The following COG3 variants were observed in gnomAD, a reference collection of about 807,000 sequenced individuals.
The protein encoded by COG3 is conserved oligomeric Golgi complex subunit 3.
COG3 carries 32 observed loss-of-function variants against 114.1 expected under a neutral mutation model. The ratio of observed to expected loss-of-function variants is 0.28; its 90% confidence interval spans 0.21 to 0.38. The LOEUF (loss-of-function observed/expected upper bound fraction) is 0.38, where lower values mean the gene tolerates loss of function less well. Ranked by LOEUF, COG3 falls within the 10% of genes least tolerant of loss-of-function variation. The probability of loss-of-function intolerance (pLI) is 1.00; values close to 1 mark genes in which losing one functional copy is unlikely to be tolerated. For missense variants in COG3, 813 were observed against 973.2 expected (o/e 0.84, Z 2.19); for synonymous variants, 352 against 365.7 (o/e 0.96, Z 0.43).
chr13:45,476,366 T>C lies in COG3; in HGVS notation c.321+19T>C, dbSNP rs1234590596. The stretch of plus-strand genomic sequence containing the variant: ...ACAGCAGGTGAATTGCAGTATCTTT[T>C]CTAAGGATGTTTGATTATTTCAGAT... On this transcript the variant is annotated intron_variant, in intron 2 of 22. Coordinates refer to ENST00000349995, the MANE Select transcript of COG3 (RefSeq NM_031431.4). The C allele has an allele frequency of 6.2e-7, 1 of 1,610,414 alleles. No homozygotes were observed. The highest frequency in any genetic ancestry group is 8.5e-7 in the Non-Finnish European group (1 of 1,177,330).
At chr13:45,483,008 G>A (rs541668172) in intron 6 of COG3, among the ~76,000 whole-genome samples, 3 of 152,178 alleles carry the variant, frequency 2.0e-5, no homozygotes, top group Non-Finnish European at 4.4e-5. Flanking sequence ...ACTAACAACT[G>A]CAAATATGTA....
rs35581278 is a variant in COG3, at chr13:45,531,504, G to GTTT, written c.2457+727_2457+729dup. 2.7e-5 allele frequency among the ~76,000 whole-genome samples: 4 copies of GTTT among 149,480 alleles called. No homozygotes were observed. The South Asian group carries it at 8.4e-4, about 31-fold the overall frequency. On this transcript the variant is annotated intron_variant, in intron 22 of 22. Coordinates refer to ENST00000349995, the MANE Select transcript of COG3 (RefSeq NM_031431.4). ...AATGGTGAGTGTAGATAAATCTTGT[G>GTTT]TTTTTGTTTTGTTTTGTTTTGTTTT...
chr13:45,486,671 G>A (rs1723334402), intron 8 of COG3, 96 bp downstream of exon 8: 1 of 778,426 alleles, frequency 1.3e-6, no homozygotes, highest in Non-Finnish European at 2.3e-6. Context: ...TTATACCGAG[G>A]AAGTGAACTT....
intron 1 of COG3, among the ~76,000 whole-genome samples, chr13:45,468,333 C>T (rs1352797138): frequency 3.3e-5 from 5 of 152,060 alleles, no homozygotes; most frequent in South Asian, 4.1e-4. Context: ...GCAAGGTGCA[C>T]GTGGCAAGTT....
chr13:45,511,956 A>T, intron 16 of COG3, 102 bp downstream of exon 16: 1 of 863,232 alleles, frequency 1.2e-6, no homozygotes. Context: ...TGGCAGTAGG[A>T]TTTGTTTAAC....
At chr13:45,506,134 C>T (rs1398991184) in intron 14 of COG3, among the ~76,000 whole-genome samples, 1 of 152,044 alleles carries the variant, frequency 6.6e-6, no homozygotes, top group African/African-American at 2.4e-5. Flanking sequence ...TTCCATTGAA[C>T]AGCACTGCCG....
chr13:45,505,978 C>T, intron 14 of COG3, among the ~76,000 whole-genome samples: 1 of 152,124 alleles, frequency 6.6e-6, no homozygotes, highest in South Asian at 2.1e-4. Flanking sequence ...TTACTGCAAC[C>T]TCTGCCTCCT....
chr13:45,481,616 T>A (rs1886253036), intron 5 of COG3, among the ~76,000 whole-genome samples: 1 of 152,210 alleles, frequency 6.6e-6, no homozygotes, highest in South Asian at 2.1e-4. Flanking sequence ...GATTTTGCTG[T>A]GGTTATGCTA....
At chr13:45,470,994 G>A (rs1248010855) in intron 1 of COG3, among the ~76,000 whole-genome samples, 1 of 152,196 alleles carries the variant, frequency 6.6e-6, no homozygotes, top group Non-Finnish European at 1.5e-5. Context: ...TTCAACTTCC[G>A]AAGGGTTTAT....
At chr13:45,518,216 C>T (rs1871746707) in intron 17 of COG3, among the ~76,000 whole-genome samples, 2 of 152,154 alleles carry the variant, frequency 1.3e-5, no homozygotes, top group Non-Finnish European at 2.9e-5. Context: ...TTTACTTTTA[C>T]GCCTCTAACC....
chr13:45,507,402 T>TGA lies in COG3; in HGVS notation c.1595-2279_1595-2278dup, dbSNP rs530312880. On this transcript the variant is annotated intron_variant, in intron 14 of 22. Coordinates refer to ENST00000349995, the MANE Select transcript of COG3 (RefSeq NM_031431.4). ...AATTATACAAGTTAAATAGGAGTGGTGAGAGAGAGAGAAAAAAAAATTTTA... is the reference window on the plus strand; with the variant it reads ...AATTATACAAGTTAAATAGGAGTGGTGAGAGAGAGAGAGAAAAAAAAATTTTA... Among the ~76,000 whole-genome samples the TGA allele has an allele frequency of 9.3e-3, 1,417 of 151,880 alleles. 25 individuals are homozygous for TGA. Among genetic ancestry groups the TGA allele is most frequent in the African/African-American group, 0.032 (1,310 of 41,408 alleles).
chr13:45,532,779 G>A (rs1187651842), intron 22 of COG3, among the ~76,000 whole-genome samples: 2 of 151,634 alleles, frequency 1.3e-5, no homozygotes, highest in South Asian at 4.2e-4. Flanking sequence ...GGATGGTCTC[G>A]ATCTGCTGAC....
At chr13:45,532,078 T>C (rs974488479) in intron 22 of COG3, 2 of 152,168 alleles carry the variant, frequency 1.3e-5, no homozygotes, top group African/African-American at 4.8e-5. Flanking sequence ...GATTTGCCTA[T>C]TCTGGATATT....
intron 3 of COG3, 50 bp from the exon 4 acceptor site, chr13:45,480,074 CT>C: frequency 6.7e-7 from 1 of 1,482,006 alleles, no homozygotes; most frequent in Non-Finnish European, 9.1e-7. Context: ...TTTTACTGTG[CT>C]TATTGGGGGA....
At position 45,491,493 on chromosome 13, in the gene COG3, T is replaced by G. The variant is rs1222970759; in HGVS notation, c.1050T>G (p.Thr350=). Residue 350 remains threonine (T), a synonymous_variant, in exon 10 of 23, where the codon ACT becomes ACG. Transcript: ENST00000349995. ...ELLLGPSIAC[T]VAELTSQNNR... ...TTTTGGGCCCTAGTATTGCTTGCACTGTTGCAGAGTTAACCAGCCAAAATA... is the reference window on the plus strand; with the variant it reads ...TTTTGGGCCCTAGTATTGCTTGCACGGTTGCAGAGTTAACCAGCCAAAATA... 3 of 1,613,494 alleles carry G rather than the reference T, an allele frequency of 1.9e-6. No individual in the cohort carries two copies. The highest frequency in any genetic ancestry group is 2.5e-6 in the Non-Finnish European group (3 of 1,179,692).
chr13:45,475,363 A>AT lies in COG3; in HGVS notation c.175-827dup, dbSNP rs542394994. On this transcript the variant is annotated intron_variant, in intron 1 of 22. Coordinates refer to ENST00000349995, the MANE Select transcript of COG3 (RefSeq NM_031431.4). ...AGATGTGTGCCACCACACCCAGCTA[A>AT]TTTTTTTTTTTGTATTTTCAGTAGA... 3.7e-3 allele frequency among the ~76,000 whole-genome samples: 540 copies of AT among 146,484 alleles called. 3 individuals carry two copies. The highest frequency in any genetic ancestry group is 9.3e-3 in the African/African-American group (373 of 40,132).
At chr13:45,524,230 A>G (rs746439854) in intron 19 of COG3, among the ~76,000 whole-genome samples, 2 of 152,182 alleles carry the variant, frequency 1.3e-5, no homozygotes, top group African/African-American at 2.4e-5. Flanking sequence ...CATGGACTGC[A>G]CCTTTGGCAC....
intron 14 of COG3, among the ~76,000 whole-genome samples, chr13:45,508,386 T>A (rs9534167): frequency 0.14 from 15,186 of 109,192 alleles, 908 homozygotes; most frequent in Non-Finnish European, 0.16. Context: ...ATATATATTT[T>A]TATATATATA....
At chr13:45,530,872 TATTA>T (rs1451380301) in intron 22 of COG3, 92 bp downstream of exon 22, 5 of 1,380,472 alleles carry the variant, frequency 3.6e-6, no homozygotes, top group Non-Finnish European at 3.8e-6. Flanking sequence ...ATATTTTTAG[TATTA>T]ATTTAAAAAA....
Sources: allele counts gnomAD v4.1 joint callset (sites outside exome capture counted in the v4.1 genomes callset), GRCh38; gene constraint gnomAD v4.1.1; transcripts MANE v1.5; gene names NCBI Gene and HGNC (gene_info 2026-07-23, HGNC 2026-07-21).